Variants in MSI2 observed in about 807,000 individuals in gnomAD.
MSI2 encodes the protein musashi RNA binding protein 2.
MSI2 carries 17 observed loss-of-function variants against 45.6 expected under a neutral mutation model. The ratio of observed to expected loss-of-function variants is 0.37; its 90% CI spans 0.26 to 0.56. The LOEUF (loss-of-function observed/expected upper bound fraction) is 0.56, where lower values mean the gene tolerates loss of function less well. MSI2 is among the 20% of genes least tolerant of loss of function. The probability of loss-of-function intolerance (pLI) is 0.77; values close to 1 mark genes in which losing one functional copy is unlikely to be tolerated. For synonymous variants in MSI2, 156 were observed against 158.2 expected (o/e 0.99, Z 0.11); for missense variants, 293 against 444.2 (o/e 0.66, Z 3.06).
intron 5 of MSI2, among the ~76,000 whole-genome samples, chr17:57,351,506 C>T (rs1916028388): frequency 6.6e-6 from 1 of 152,184 alleles, no homozygotes; most frequent in Admixed American, 6.5e-5. Flanking sequence ...CTCCTAAGCC[C>T]CTGTTTTATA....
chr17:57,636,840 C>T (rs1371739509), intron 10 of MSI2, among the ~76,000 whole-genome samples: 1 of 152,202 alleles, frequency 6.6e-6, no homozygotes, highest in African/African-American at 2.4e-5. Context: ...CGAGCAATGG[C>T]TGGTTTCTTG....
intron 6 of MSI2, among the ~76,000 whole-genome samples, chr17:57,503,593 G>A (rs2143886202): frequency 6.6e-6 from 1 of 152,324 alleles, no homozygotes; most frequent in African/African-American, 2.4e-5. Flanking sequence ...TAAAGTTCCA[G>A]AGCAATTGCT....
intron 10 of MSI2, among the ~76,000 whole-genome samples, chr17:57,650,680 C>T (rs558081262): frequency 2.6e-5 from 4 of 152,330 alleles, no homozygotes; most frequent in East Asian, 1.9e-4. Flanking sequence ...GCAAGTATGT[C>T]TCTTTTCATT....
chr17:57,347,886 C>G (rs946497806), intron 5 of MSI2, among the ~76,000 whole-genome samples: 4 of 152,226 alleles, frequency 2.6e-5, no homozygotes, highest in African/African-American at 9.6e-5. Flanking sequence ...AACCAACACT[C>G]AGAGGCTGTG....
At chr17:57,304,626 T>C (rs1485013153) in intron 5 of MSI2, among the ~76,000 whole-genome samples, 2 of 151,904 alleles carry the variant, frequency 1.3e-5, no homozygotes, top group East Asian at 3.9e-4. Flanking sequence ...TTTCACTATG[T>C]TGGGCCAGGC....
chr17:57,584,898 T>C (rs113584656), intron 7 of MSI2, among the ~76,000 whole-genome samples: 62 of 152,130 alleles, frequency 4.1e-4, no homozygotes, highest in African/African-American at 1.5e-3. Context: ...CGCGGCTCAC[T>C]GCAACCTTCG....
At position 57,273,537 on chromosome 17, in the gene MSI2, G is replaced by T. The variant is rs1043263059; in HGVS notation, c.312+11345G>T. ...GACTGACATAGTGGGGATGTGGGTGGGGGGGGGGACCTCATTATGAATTTT... is the reference window on the plus strand; with the variant it reads ...GACTGACATAGTGGGGATGTGGGTGTGGGGGGGGACCTCATTATGAATTTT... On this transcript the variant is annotated intron_variant, in intron 5 of 13. Coordinates refer to ENST00000284073, the MANE Select transcript of MSI2 (RefSeq NM_138962.4). Among the ~76,000 whole-genome samples the T allele has an allele frequency of 7.9e-3, 418 of 52,730 alleles. 1 individual carries two copies. Among genetic ancestry groups the T allele is most frequent in the African/African-American group, 0.055 (390 of 7,042 alleles). 34.6% of individuals were successfully genotyped at this position (52,730 alleles called of 152,430 possible).
At chr17:57,694,005 A>G in the MSI2 span, among the ~76,000 whole-genome samples, 1 of 152,268 alleles carries the variant, frequency 6.6e-6, no homozygotes, top group South Asian at 2.1e-4. Flanking sequence ...TATAAAACTC[A>G]AATTTCAGTG....
chr17:57,658,725 G>A (rs1911779399), intron 11 of MSI2, among the ~76,000 whole-genome samples: 1 of 152,204 alleles, frequency 6.6e-6, no homozygotes, highest in Non-Finnish European at 1.5e-5. Context: ...TTTCAAATCA[G>A]TGGAATTATT....
chr17:57,290,277 A>G (rs546736358), intron 5 of MSI2, among the ~76,000 whole-genome samples: 1 of 152,076 alleles, frequency 6.6e-6, no homozygotes, highest in Non-Finnish European at 1.5e-5. Context: ...CCTTAATTAT[A>G]TTATCATTGG....
chr17:57,380,225 G>A (rs1332884270), intron 5 of MSI2, among the ~76,000 whole-genome samples: 1 of 152,128 alleles, frequency 6.6e-6, no homozygotes. Context: ...CATTAACCAC[G>A]TTGTGCCCTG....
intron 5 of MSI2, among the ~76,000 whole-genome samples, chr17:57,282,883 A>G (rs1909552014): frequency 7.2e-6 from 1 of 139,570 alleles, no homozygotes; most frequent in African/African-American, 2.8e-5. Context: ...ACTTGCCGTC[A>G]GGGCAGTTGA....
At chr17:57,299,696 C>T (rs1911274244) in intron 5 of MSI2, among the ~76,000 whole-genome samples, 1 of 152,050 alleles carries the variant, frequency 6.6e-6, no homozygotes, top group Non-Finnish European at 1.5e-5. Flanking sequence ...GATCACAGAT[C>T]ACCATTACAA....
At chr17:57,356,918 C>T (rs1177836237) in intron 5 of MSI2, among the ~76,000 whole-genome samples, 1 of 152,088 alleles carries the variant, frequency 6.6e-6, no homozygotes, top group Non-Finnish European at 1.5e-5. Flanking sequence ...TGAATGTCCT[C>T]GCTTTGGGGT....
At chr17:57,559,382 A>C (rs2087518722) in intron 7 of MSI2, among the ~76,000 whole-genome samples, 1 of 152,198 alleles carries the variant, frequency 6.6e-6, no homozygotes, top group Admixed American at 6.5e-5. Flanking sequence ...CCTTGAGGAT[A>C]GCGTGGTTTC....
chr17:57,567,368 A>C (rs1344310337), intron 7 of MSI2, among the ~76,000 whole-genome samples: 2 of 152,214 alleles, frequency 1.3e-5, no homozygotes, highest in Admixed American at 1.3e-4. Context: ...TTAATCAGTG[A>C]ATGCCTTTTT....
At chr17:57,321,464 C>T (rs973607544) in intron 5 of MSI2, among the ~76,000 whole-genome samples, 15 of 152,162 alleles carry the variant, frequency 9.9e-5, no homozygotes, top group Non-Finnish European at 2.1e-4. Flanking sequence ...TCTAGCCTTC[C>T]GTCCCAAATA....
chr17:57,340,702 C>T (rs943732674), intron 5 of MSI2, among the ~76,000 whole-genome samples: 1 of 152,144 alleles, frequency 6.6e-6, no homozygotes, highest in South Asian at 2.1e-4. Flanking sequence ...CAGGTAGACA[C>T]TTGAGTCTTG....
intron 8 of MSI2, among the ~76,000 whole-genome samples, chr17:57,607,755 C>T (rs1210638486): frequency 1.3e-5 from 2 of 152,208 alleles, no homozygotes; most frequent in South Asian, 2.1e-4. Flanking sequence ...GTGCCAACAT[C>T]GCTAGGCTTC....
Sources: allele counts gnomAD v4.1 joint callset (sites outside exome capture counted in the v4.1 genomes callset), GRCh38; gene constraint gnomAD v4.1.1; transcripts MANE v1.5; gene names NCBI Gene and HGNC (gene_info 2026-07-23, HGNC 2026-07-21).